The following ZNF500 variants were observed in gnomAD, a reference collection of about 807,000 sequenced individuals.
The protein encoded by ZNF500 is zinc finger protein 500.
In ZNF500, 31 loss-of-function variants were observed where a neutral mutation model predicts 30.1. The observed-to-expected ratio is 1.03, with a 90% CI of 0.77 to 1.39. The LOEUF (loss-of-function observed/expected upper bound fraction) is 1.39. Among genes scored for constraint, ZNF500 ranks in the 40% most tolerant of loss-of-function variants. The pLI is 0.00. For synonymous variants in ZNF500, 392 were observed against 282.0 expected (o/e 1.39, Z -3.91); for missense variants, 817 against 657.8 (o/e 1.24, Z -2.65).
Position 4,748,250 on chromosome 16 carries a change from G to A in ZNF500, c.*4126C>T, listed in dbSNP as rs1486907515. The A allele has an allele frequency of 2.1e-5, 3 of 145,726 alleles. No homozygotes were observed. The highest frequency in any genetic ancestry group is 3.0e-5 in the Non-Finnish European group (2 of 67,020). 9.0% of individuals were successfully genotyped at this position (145,726 alleles called of 1,614,324 possible). ...TTTTTTTTTTTTTTGTAGAGATGGG[G>A]TCTCACGGTGTTGCCCAGGTTGGTC... On this transcript the variant is annotated 3_prime_UTR_variant, in exon 6 of 6. Coordinates refer to ENST00000219478, the MANE Select transcript of ZNF500 (RefSeq NM_021646.4).
rs199762620 is a variant in ZNF500 at position 4,762,404 on chromosome 16, C to T, written c.599-69G>A. 1.4e-5 allele frequency: 22 copies of T among 1,539,906 alleles called. 1 individual carries two copies. The East Asian group carries it at 5.0e-4, about 35-fold the overall frequency. On this transcript the variant is annotated intron_variant, in intron 3 of 5. Coordinates refer to ENST00000219478, the MANE Select transcript of ZNF500 (RefSeq NM_021646.4). Reference sequence around the variant, plus strand: ...TACTGCCCCTGCCGTCCCCTGCACACCAAGGCCCCAACAGCCCGGCGGCTG... The same window carrying T: ...TACTGCCCCTGCCGTCCCCTGCACATCAAGGCCCCAACAGCCCGGCGGCTG...
At chr16:4,747,508 T>C (rs761465767), downstream of ZNF500, 1 of 1,613,250 alleles carries the variant, frequency 6.2e-7, no homozygotes, top group East Asian at 2.2e-5. Context: ...TGAAGCTCTG[T>C]GCCAAGGGGC....
In ZNF500 at chr16:4,765,545, G is replaced by A; in HGVS notation, c.414+20C>T. ...CAGGGCCCCATTTCCTCACCTGAGG[G>A]TCAAAATGCCCCCACTCACCCGCTG... On this transcript the variant is annotated intron_variant, in intron 2 of 5. Coordinates refer to ENST00000219478, the MANE Select transcript of ZNF500 (RefSeq NM_021646.4). The A allele has an allele frequency of 6.4e-7, 1 of 1,564,072 alleles. No homozygotes were observed.
intron 5 of ZNF500, among the ~76,000 whole-genome samples, chr16:4,756,859 G>C (rs541583588): frequency 7.2e-4 from 109 of 152,200 alleles, no homozygotes; most frequent in African/African-American, 2.5e-3. Context: ...GCATTGACCT[G>C]TGGTACCAGC....
chr16:4,762,043 C>T (rs541815035), intron 4 of ZNF500, among the ~76,000 whole-genome samples: 5 of 152,244 alleles, frequency 3.3e-5, no homozygotes, highest in Admixed American at 2.0e-4. Flanking sequence ...CAGAATCTTC[C>T]GGGCACAGCC....
downstream of ZNF500, chr16:4,744,878 G>C (rs986740864): frequency 3.1e-6 from 5 of 1,612,976 alleles, no homozygotes; most frequent in Non-Finnish European, 4.2e-6. Flanking sequence ...AGACCGCATG[G>C]TGCCGAGCGC....
downstream of ZNF500, chr16:4,746,889 G>C (rs939860060): frequency 6.7e-7 from 1 of 1,499,998 alleles, no homozygotes; most frequent in East Asian, 2.6e-5. Flanking sequence ...ACACCAGGTG[G>C]AGTGGGCACA....
chr16:4,752,384 TG>T lies in ZNF500; in HGVS notation c.1434del (p.Ala480ProfsTer6), dbSNP rs1381474183. ...LQPVAPGGPGAKA is the reference protein window; with the variant it reads ...LQPVAPGGPGXKA Reference sequence around the variant, plus strand: ...AGTTTCAGGCCTGGTGATCAGGCTTTGGCACCGGGGCCTCCAGGAGCCACCG... The same window carrying T: ...AGTTTCAGGCCTGGTGATCAGGCTTTGCACCGGGGCCTCCAGGAGCCACCG... On this transcript the variant is annotated frameshift_variant, in exon 6 of 6. Coordinates refer to ENST00000219478, the MANE Select transcript of ZNF500 (RefSeq NM_021646.4). LOFTEE classifies it high-confidence loss of function. The T allele has an allele frequency of 1.3e-6, 2 of 1,498,910 alleles. No homozygotes were observed. The highest frequency in any genetic ancestry group is 1.8e-6 in the Non-Finnish European group (2 of 1,126,966). 92.9% of individuals were successfully genotyped at this position (1,498,910 alleles called of 1,614,324 possible).
chr16:4,759,402 C>A (rs1319702879), intron 5 of ZNF500, among the ~76,000 whole-genome samples: 9 of 150,316 alleles, frequency 6.0e-5, no homozygotes, highest in Non-Finnish European at 8.9e-5. Flanking sequence ...GATACATCCA[C>A]CCAGGAACGG....
Position 4,765,599 on chromosome 16 carries a change from C to T in ZNF500, c.380G>A (p.Gly127Glu), listed in dbSNP as rs1357721486. The T allele has an allele frequency of 2.5e-6, 4 of 1,609,694 alleles. No homozygotes were observed. Among genetic ancestry groups the T allele is most frequent in the Non-Finnish European group, 3.4e-6 (4 of 1,177,516 alleles). The part of the protein sequence containing the change: ...SGEEAVVLVE[G>E]LQRKPRKHRQ... The stretch of plus-strand genomic sequence containing the variant: ...GTGTTTCCTGGGCTTCCGCTGCAGC[C>T]CTTCCACAAGGACCACGGCCTCCTC... Residue 127 changes from glycine (G) to glutamate (E), a missense_variant, in exon 2 of 6, where the codon GGG becomes GAG. By Grantham distance (98) the Gly-to-Glu change is moderately conservative. Coordinates refer to ENST00000219478, the MANE Select transcript of ZNF500 (RefSeq NM_021646.4).
At chr16:4,764,133 G>T (rs2082237011) in intron 2 of ZNF500, 1 of 980,138 alleles carries the variant, frequency 1.0e-6, no homozygotes, top group African/African-American at 1.7e-5. Flanking sequence ...CGGTGTGTCA[G>T]AAGGGTCCTG....
At chr16:4,746,731 A>G (rs2082022189), downstream of ZNF500, 3 of 761,984 alleles carry the variant, frequency 3.9e-6, no homozygotes, top group East Asian at 2.8e-5. Context: ...TCTATGCAAT[A>G]GAGCCCAACA....
downstream of ZNF500, chr16:4,744,917 C>T (rs752523512): frequency 6.2e-7 from 1 of 1,613,898 alleles, no homozygotes; most frequent in South Asian, 1.1e-5. Flanking sequence ...ACAGCTGGCC[C>T]TCCTGTGCAC....
At chr16:4,746,860 A>G (rs903183514), downstream of ZNF500, 1 of 1,394,390 alleles carries the variant, frequency 7.2e-7, no homozygotes. Context: ...GAGTGCTTCA[A>G]GCCCCAACAA....
chr16:4,746,668 G>C (rs954409143), downstream of ZNF500: 7 of 1,114,974 alleles, frequency 6.3e-6, no homozygotes, highest in African/African-American at 1.1e-4. Flanking sequence ...CAGTCCCCCT[G>C]GGTCCCTGCA....
downstream of ZNF500, chr16:4,746,668 G>A: frequency 2.7e-6 from 3 of 1,115,092 alleles, no homozygotes; most frequent in Non-Finnish European, 3.7e-6. Context: ...CAGTCCCCCT[G>A]GGTCCCTGCA....
At chr16:4,744,403 G>C (rs1022344520), downstream of ZNF500, among the ~76,000 whole-genome samples, 6 of 152,150 alleles carry the variant, frequency 3.9e-5, no homozygotes, top group Admixed American at 1.3e-4. Flanking sequence ...GAGGAGTCCA[G>C]CTAGATCGTT....
downstream of ZNF500, chr16:4,746,446 C>T: frequency 6.2e-7 from 1 of 1,613,754 alleles, no homozygotes; most frequent in Non-Finnish European, 8.5e-7. Context: ...AGGCTTAACG[C>T]AGAGTCCCCC....
chr16:4,758,118 G>A (rs992549495), intron 5 of ZNF500, among the ~76,000 whole-genome samples: 5 of 151,816 alleles, frequency 3.3e-5, no homozygotes, highest in East Asian at 1.9e-4. Flanking sequence ...GGCTGGACTC[G>A]AACTCCTGAC....
Sources: allele counts gnomAD v4.1 joint callset (sites outside exome capture counted in the v4.1 genomes callset), GRCh38; gene constraint gnomAD v4.1.1; transcripts MANE v1.5; gene names NCBI Gene and HGNC (gene_info 2026-07-23, HGNC 2026-07-21).